DNAJC10: variants seen among roughly 807,000 people sequenced by gnomAD.
The protein encoded by DNAJC10 is DnaJ heat shock protein family (Hsp40) member C10.
Under a neutral mutation model 115.0 loss-of-function variants are expected in DNAJC10, and 101 were observed. That is an observed-to-expected ratio of 0.88 (90% CI 0.75 to 1.04). The LOEUF (loss-of-function observed/expected upper bound fraction) is 1.04, where lower values mean the gene tolerates loss of function less well. Ranked by LOEUF, DNAJC10 falls within the 50% of genes least tolerant of loss-of-function variation. The pLI is 0.00. For missense variants in DNAJC10, 981 were observed against 928.8 expected (o/e 1.06, Z -0.73); for synonymous variants, 307 against 301.5 (o/e 1.02, Z -0.19).
intron 14 of DNAJC10, among the ~76,000 whole-genome samples, chr2:182,749,668 T>C (rs964880675): frequency 6.6e-6 from 1 of 152,212 alleles, no homozygotes; most frequent in Non-Finnish European, 1.5e-5. Context: ...TTAAAGTTAA[T>C]ATTGTTATGT....
chr2:182,717,279 T>G (rs1226774267), intron 2 of DNAJC10, among the ~76,000 whole-genome samples: 2 of 152,176 alleles, frequency 1.3e-5, no homozygotes, highest in Admixed American at 1.3e-4. Flanking sequence ...GTGTTTTGTT[T>G]CTACTTACAC....
At chr2:182,734,372 A>G (rs1408310086) in intron 10 of DNAJC10, among the ~76,000 whole-genome samples, 1 of 151,374 alleles carries the variant, frequency 6.6e-6, no homozygotes, top group Non-Finnish European at 1.5e-5. Context: ...TTTTGTTCCT[A>G]ATCATAAAGG....
rs1694444865 is a variant in DNAJC10 at position 182,767,533 on chromosome 2, C to T, written c.2265+4732C>T. ...TCAGGACTGTCCCTTACTGGGATTC[C>T]TCGAAAATTGATGAGCTCTCCTCCT... On this transcript the variant is annotated intron_variant, in intron 22 of 23. Transcript: ENST00000264065. Among the ~76,000 whole-genome samples, 3 of 152,134 alleles carry T rather than the reference C, an allele frequency of 2.0e-5. 1 individual carries two copies. Among genetic ancestry groups the T allele is most frequent in the Admixed American group, 1.3e-4 (2 of 15,266 alleles).
intron 14 of DNAJC10, among the ~76,000 whole-genome samples, chr2:182,744,889 C>CT (rs1012722840): frequency 2.0e-5 from 3 of 152,262 alleles, no homozygotes; most frequent in East Asian, 1.9e-4. Flanking sequence ...GAATAATACT[C>CT]TTTTTTATCT....
At position 182,784,512 on chromosome 2, in the gene DNAJC10, TGACA is replaced by T. The variant is rs1336692462; in HGVS notation, c.*7381_*7384del. The T allele has an allele frequency of 9.2e-5, 14 of 152,136 alleles. No homozygotes were observed. Among genetic ancestry groups the T allele is most frequent in the African/African-American group, 3.4e-4 (14 of 41,418 alleles). The allele number at this position is 152,136 out of a possible 1,614,324, so 9.4% of individuals were successfully genotyped here. A position where few individuals can be genotyped will look rare whatever the true frequency, so the allele number is the denominator to read the frequency against. On this transcript the variant is annotated 3_prime_UTR_variant, in exon 24 of 24. Transcript: ENST00000264065. ...GTAGAAGCACAGTGTGTATTTCAAT[TGACA>T]AACAGCCAGAAGTATTATACTGTTG...
chr2:182,753,081 G>A (rs1287871665), intron 16 of DNAJC10, among the ~76,000 whole-genome samples: 5 of 152,116 alleles, frequency 3.3e-5, no homozygotes, highest in Non-Finnish European at 5.9e-5. Flanking sequence ...ATATGGAGGG[G>A]AGTCCTTATA....
intron 14 of DNAJC10, among the ~76,000 whole-genome samples, chr2:182,749,072 C>T (rs555780467): frequency 6.6e-6 from 1 of 152,148 alleles, no homozygotes; most frequent in African/African-American, 2.4e-5. Context: ...AGCTTTACTT[C>T]CAAGGGTGTG....
At position 182,718,216 on chromosome 2, in the gene DNAJC10, A is replaced by G; in HGVS notation, c.130A>G (p.Lys44Glu). Residue 44 changes from lysine to glutamate, a missense_variant, in exon 3 of 24, where the codon AAA becomes GAA. By Grantham distance (56) the Lys-to-Glu change is moderately conservative. Transcript: ENST00000264065. ...TTTTTACAGTTTACTTGGAGTGTCC[A>G]AAACTGCAAGCAGTAGAGAAATAAG... Reference protein sequence around the residue: ...QDFYSLLGVSKTASSREIRQA... With the variant: ...QDFYSLLGVSETASSREIRQA... 1 of 1,613,498 alleles carries G rather than the reference A, an allele frequency of 6.2e-7. No individual in the cohort carries two copies. Among genetic ancestry groups the G allele is most frequent in the Non-Finnish European group, 8.5e-7 (1 of 1,179,786 alleles).
chr2:182,741,475 GTGCTTTTAGTCTTGGTTTGTGCT>G (rs1693735161), intron 13 of DNAJC10, 119 bp downstream of exon 13: 1 of 500,604 alleles, frequency 2.0e-6, no homozygotes, highest in South Asian at 3.5e-5. Context: ...AAGCCTATAA[GTGCTTTTAGTCTTGGTTTGTGCT>G]TGCTTTTCCT....
At chr2:182,763,851 C>T (rs949452203) in intron 22 of DNAJC10, among the ~76,000 whole-genome samples, 6 of 152,038 alleles carry the variant, frequency 3.9e-5, no homozygotes, top group African/African-American at 1.2e-4. Context: ...AGCACAGAGC[C>T]GTCTGCAAAT....
chr2:182,780,160 A>G lies in DNAJC10; in HGVS notation c.*3028A>G, dbSNP rs1458604530. ...TATACCCAAATTCTTCTAGTGAAGA[A>G]GTTTGTAATATGGTTTGAGTATTTG... On this transcript the variant is annotated 3_prime_UTR_variant, in exon 24 of 24. Transcript: ENST00000264065. The G allele has an allele frequency of 6.6e-6, 1 of 152,100 alleles. No homozygotes were observed. The highest frequency in any genetic ancestry group is 1.5e-5 in the Non-Finnish European group (1 of 68,030). The allele number at this position is 152,100 out of a possible 1,614,324, so 9.4% of individuals were successfully genotyped here.
intron 14 of DNAJC10, among the ~76,000 whole-genome samples, chr2:182,749,347 G>A: frequency 6.9e-6 from 1 of 143,924 alleles, no homozygotes. Flanking sequence ...CTCCTGTATT[G>A]GGTGCATATA....
chr2:182,756,163 A>T (rs1694150251), intron 17 of DNAJC10, 151 bp from the exon 18 acceptor site: 2 of 610,258 alleles, frequency 3.3e-6, no homozygotes, highest in Non-Finnish European at 5.1e-6. Context: ...TTTCATTCCC[A>T]AGATATATGC....
chr2:182,717,648 C>T (rs1201807942), intron 2 of DNAJC10, among the ~76,000 whole-genome samples: 1 of 152,198 alleles, frequency 6.6e-6, no homozygotes, highest in Admixed American at 6.5e-5. Flanking sequence ...ACCTGTAGCT[C>T]ATTGCCACCT....
Position 182,781,614 on chromosome 2 carries a change from C to A in DNAJC10, c.*4482C>A, listed in dbSNP as rs1406836470. Reference sequence around the variant, plus strand: ...AAGCATTCCTATTTCTCCACATCCTCTCCAGCATCTGTTGTTTCCTCACTT... The same window carrying A: ...AAGCATTCCTATTTCTCCACATCCTATCCAGCATCTGTTGTTTCCTCACTT... On this transcript the variant is annotated 3_prime_UTR_variant, in exon 24 of 24. Transcript: ENST00000264065. 2 of 152,194 alleles carry A rather than the reference C, an allele frequency of 1.3e-5. No individual in the cohort carries two copies. The highest frequency in any genetic ancestry group is 2.4e-5 in the African/African-American group (1 of 41,446). 9.4% of individuals were successfully genotyped at this position (152,194 alleles called of 1,614,324 possible). A position where few individuals can be genotyped will look rare whatever the true frequency, so the allele number is the denominator to read the frequency against.
chr2:182,727,056 G>GT (rs11376651), intron 5 of DNAJC10, among the ~76,000 whole-genome samples: 95,994 of 146,742 alleles, frequency 0.65, 31,562 homozygotes, highest in African/African-American at 0.75. Context: ...TGTTTTGTTT[G>GT]TTTTTTTTTT....
Position 182,758,872 on chromosome 2 carries a change from T to A in DNAJC10, c.1979T>A (p.Leu660Gln). ...GGTTGGAATAGGGATGCTTATTCCC[T>A]GAGAATCTGGGGTCTAGGGTGAGTA... ...YNGWNRDAYS[L>Q]RIWGLGFLPQ... Residue 660 changes from leucine to glutamine, a missense_variant, in exon 20 of 24, where the codon CTG becomes CAG. Physicochemically the swap from Leu to Gln is moderately radical, Grantham distance 113 (BLOSUM62 -2). Coordinates refer to ENST00000264065, the MANE Select transcript of DNAJC10 (RefSeq NM_018981.4). 1 of 1,607,110 alleles carries A rather than the reference T, an allele frequency of 6.2e-7. No individual in the cohort carries two copies. Among genetic ancestry groups the A allele is most frequent in the Non-Finnish European group, 8.5e-7 (1 of 1,173,896 alleles).
rs972579137 is a variant in DNAJC10, at chr2:182,778,413, C to T, written c.*1281C>T. 3 of 152,074 alleles carry T rather than the reference C, an allele frequency of 2.0e-5. No individual in the cohort carries two copies. Among genetic ancestry groups the T allele is most frequent in the Non-Finnish European group, 2.9e-5 (2 of 68,012 alleles). The allele number at this position is 152,074 out of a possible 1,614,324, so 9.4% of individuals were successfully genotyped here. On this transcript the variant is annotated 3_prime_UTR_variant, in exon 24 of 24. Transcript: ENST00000264065. ...CAAAGAATCACAAATTTGTCAGTAACATGTAGTTGTTTAGTTATAATTCAG... is the reference window on the plus strand; with the variant it reads ...CAAAGAATCACAAATTTGTCAGTAATATGTAGTTGTTTAGTTATAATTCAG...
Position 182,751,977 on chromosome 2 carries a change from G to T in DNAJC10, c.1435-95G>T, listed in dbSNP as rs576378450. On this transcript the variant is annotated intron_variant, in intron 15 of 23. Coordinates refer to ENST00000264065, the MANE Select transcript of DNAJC10 (RefSeq NM_018981.4). ...CAGGGAAGGTTTGCCGCTAAGTACA[G>T]TTTGTCTTACTTAGCATATTACTTG... 58 of 1,232,232 alleles carry T rather than the reference G, an allele frequency of 4.7e-5. No individual in the cohort carries two copies. In the East Asian group the frequency reaches 1.3e-3, roughly 28 times the overall value. The allele number at this position is 1,232,232 out of a possible 1,614,324, so 76.3% of individuals were successfully genotyped here.
Sources: gnomAD v4.1 joint callset for allele counts (sites outside exome capture counted in the v4.1 genomes callset) on GRCh38, gnomAD v4.1.1 for gene constraint, MANE v1.5 for transcripts, NCBI Gene and HGNC (gene_info 2026-07-23, HGNC 2026-07-21) for gene names.